The following ERBB4 variants were observed in gnomAD, a reference collection of about 807,000 sequenced individuals.
ERBB4 encodes the protein receptor tyrosine-protein kinase erbB-4.
A neutral mutation model predicts 158.0 loss-of-function variants in ERBB4; 42 were observed. That is an observed-to-expected ratio of 0.27 (90% CI 0.21 to 0.34). The LOEUF is 0.34. ERBB4 is among the 10% of genes least tolerant of loss of function. The pLI is 1.00. For missense variants in ERBB4, 1,333 were observed against 1,624.1 expected, an observed-to-expected ratio of 0.82 and a Z score of 3.08; for synonymous variants, 583 against 558.7, an observed-to-expected ratio of 1.04 and a Z score of -0.61.
intron 1 of ERBB4, among the ~76,000 whole-genome samples, chr2:212,332,661 G>A (rs1313007166): frequency 6.6e-6 from 1 of 151,996 alleles, no homozygotes; most frequent in Non-Finnish European, 1.5e-5. Context: ...CACACAGATA[G>A]GGATGAAAAG....
In ERBB4 at chr2:211,484,690, C is replaced by T. The variant is rs200878094; in HGVS notation, c.2488-53590G>A. On this transcript the variant is annotated intron_variant, in intron 20 of 27. Coordinates refer to ENST00000342788, the MANE Select transcript of ERBB4 (RefSeq NM_005235.3). ...TCCTAAATATTTATATAAGCAATAACAGACCTTCAAAATATTTAAACCAAG... is the reference window on the plus strand; with the variant it reads ...TCCTAAATATTTATATAAGCAATAATAGACCTTCAAAATATTTAAACCAAG... Among the ~76,000 whole-genome samples the T allele has an allele frequency of 5.9e-5, 9 of 152,200 alleles. No individual in the cohort carries two copies. The East Asian group carries it at 1.5e-3, about 26-fold the overall frequency.
At chr2:212,165,904 TC>T (rs573336276) in intron 1 of ERBB4, among the ~76,000 whole-genome samples, 27 of 152,212 alleles carry the variant, frequency 1.8e-4, no homozygotes, top group African/African-American at 4.3e-4. Flanking sequence ...TAATTTTTTT[TC>T]ATAACACTTT....
chr2:211,909,567 G>A (rs952384877), intron 3 of ERBB4, among the ~76,000 whole-genome samples: 2 of 151,776 alleles, frequency 1.3e-5, no homozygotes, highest in East Asian at 2.0e-4. Flanking sequence ...AAGTATTTGT[G>A]TATCTAATCA....
chr2:212,324,035 G>A (rs79642755), intron 1 of ERBB4, among the ~76,000 whole-genome samples: 20,980 of 150,214 alleles, frequency 0.14, 2,338 homozygotes, highest in South Asian at 0.24. Context: ...CCAGAATATC[G>A]TAAGTCAACA....
chr2:211,464,982 CTT>C (rs1176092000), intron 20 of ERBB4, among the ~76,000 whole-genome samples: 8 of 21,322 alleles, frequency 3.8e-4, no homozygotes, highest in South Asian at 5.3e-3. Context: ...TTTTTTTTTT[CTT>C]TTTTTTTTTT....
chr2:212,191,990 TTA>T (rs1330620606), intron 1 of ERBB4, among the ~76,000 whole-genome samples: 86 of 110,986 alleles, frequency 7.7e-4, no homozygotes, highest in South Asian at 1.8e-3. Flanking sequence ...ATGTTATATG[TTA>T]TATATGTTAT....
At chr2:211,758,484 T>C (rs1026136496) in intron 4 of ERBB4, among the ~76,000 whole-genome samples, 1 of 152,228 alleles carries the variant, frequency 6.6e-6, no homozygotes, top group African/African-American at 2.4e-5. Context: ...AAAGCATTAA[T>C]TATCACTGTT....
chr2:212,300,281 T>C lies in ERBB4; in HGVS notation c.83-175378A>G, dbSNP rs148432852. Among the ~76,000 whole-genome samples, 8 of 151,746 alleles carry C rather than the reference T, an allele frequency of 5.3e-5. No homozygotes were observed. In the East Asian group the frequency reaches 1.6e-3, roughly 30 times the overall value. On this transcript the variant is annotated intron_variant, in intron 1 of 27. Transcript: ENST00000342788. Reference sequence around the variant, plus strand: ...TATCAACTTGCACACTATGCTTTCTTTCATTTTGTGTGTGTGACCCATATT... The same window carrying C: ...TATCAACTTGCACACTATGCTTTCTCTCATTTTGTGTGTGTGACCCATATT...
chr2:211,709,936 T>C (rs774458294), intron 9 of ERBB4, among the ~76,000 whole-genome samples: 1 of 152,166 alleles, frequency 6.6e-6, no homozygotes, highest in African/African-American at 2.4e-5. Flanking sequence ...TTCCTGGTAC[T>C]TCTTACACAA....
At chr2:212,468,369 G>C (rs6733009) in intron 1 of ERBB4, among the ~76,000 whole-genome samples, 16,376 of 152,158 alleles carry the variant, frequency 0.11, 1,146 homozygotes, top group Non-Finnish European at 0.16. Context: ...TGCACTGTGG[G>C]AGGGACCCGG....
At chr2:212,320,317 T>G (rs1323292805) in intron 1 of ERBB4, among the ~76,000 whole-genome samples, 1 of 146,452 alleles carries the variant, frequency 6.8e-6, no homozygotes, top group Non-Finnish European at 1.5e-5. Flanking sequence ...TCAAGTACAG[T>G]CTTTTTTTTT....
At chr2:212,198,423 G>A (rs1366901884) in intron 1 of ERBB4, among the ~76,000 whole-genome samples, 2 of 152,084 alleles carry the variant, frequency 1.3e-5, no homozygotes, top group African/African-American at 2.4e-5. Flanking sequence ...CTTTATGAAT[G>A]TGACTAGACT....
intron 1 of ERBB4, among the ~76,000 whole-genome samples, chr2:212,443,489 C>T (rs942955416): frequency 1.3e-5 from 2 of 152,222 alleles, no homozygotes; most frequent in African/African-American, 4.8e-5. Flanking sequence ...CTTGGCCCCT[C>T]CTACAACCCA....
chr2:212,191,869 A>C (rs2082248811), intron 1 of ERBB4, among the ~76,000 whole-genome samples: 1 of 16,462 alleles, frequency 6.1e-5, no homozygotes, highest in African/African-American at 8.0e-5. Context: ...TATATATTAT[A>C]TATAATACAT....
intron 1 of ERBB4, among the ~76,000 whole-genome samples, chr2:212,442,158 G>A (rs766052720): frequency 6.9e-5 from 10 of 145,480 alleles, no homozygotes; most frequent in South Asian, 6.6e-4. Flanking sequence ...ATTAATCACC[G>A]TGTTCCTAGA....
chr2:211,846,052 G>GTTTTTTTTTT (rs5838288), intron 3 of ERBB4, among the ~76,000 whole-genome samples: 1 of 145,666 alleles, frequency 6.9e-6, no homozygotes. Context: ...GTTAATTGTT[G>GTTTTTTTTTT]TTTTTTTTTT....
chr2:212,481,113 G>A (rs1361587087), intron 1 of ERBB4, among the ~76,000 whole-genome samples: 1 of 151,876 alleles, frequency 6.6e-6, no homozygotes, highest in Non-Finnish European at 1.5e-5. Flanking sequence ...TATAGGTATT[G>A]TATTATATAT....
chr2:211,627,427 T>C (rs556424935), intron 17 of ERBB4, among the ~76,000 whole-genome samples: 1 of 152,386 alleles, frequency 6.6e-6, no homozygotes, highest in South Asian at 2.1e-4. Flanking sequence ...TGCTTGAACA[T>C]GTCTATTCAT....
chr2:211,890,565 T>C (rs1278591585), intron 3 of ERBB4, among the ~76,000 whole-genome samples: 3 of 149,026 alleles, frequency 2.0e-5, no homozygotes, highest in African/African-American at 7.4e-5. Flanking sequence ...ATATTAACTT[T>C]AAATGTAAAT....
Sources: gnomAD v4.1 joint callset for allele counts (sites outside exome capture counted in the v4.1 genomes callset) on GRCh38, gnomAD v4.1.1 for gene constraint, MANE v1.5 for transcripts, NCBI Gene and HGNC (gene_info 2026-07-23, HGNC 2026-07-21) for gene names.